ANKRD13C: variants seen among roughly 807,000 people sequenced by gnomAD.
ANKRD13C encodes ankyrin repeat domain 13C.
A neutral mutation model predicts 65.5 loss-of-function variants in ANKRD13C; 16 were observed. The observed-to-expected ratio is 0.24, with a 90% confidence interval of 0.17 to 0.37. The LOEUF (loss-of-function observed/expected upper bound fraction) is 0.37, where lower values mean the gene tolerates loss of function less well. ANKRD13C is among the 10% of genes least tolerant of loss of function. ANKRD13C has a pLI of 1.00. For missense variants in ANKRD13C, 503 were observed against 655.9 expected (o/e 0.77, Z 2.55); for synonymous variants, 235 against 238.7 (o/e 0.98, Z 0.14).
chr1:70,288,862 T>C (rs1420583950), intron 9 of ANKRD13C, among the ~76,000 whole-genome samples: 1 of 152,172 alleles, frequency 6.6e-6, no homozygotes, highest in Non-Finnish European at 1.5e-5. Flanking sequence ...GTTCTATACC[T>C]TGGTAAGACG....
intron 7 of ANKRD13C, among the ~76,000 whole-genome samples, chr1:70,299,879 C>G (rs1000150539): frequency 2.6e-5 from 4 of 152,104 alleles, no homozygotes; most frequent in African/African-American, 9.7e-5. Context: ...ACCTATAGGA[C>G]TGTGGGAATG....
At chr1:70,341,087 G>A (rs904227871) in intron 1 of ANKRD13C, among the ~76,000 whole-genome samples, 1 of 152,152 alleles carries the variant, frequency 6.6e-6, no homozygotes, top group African/African-American at 2.4e-5. Context: ...TCCAGCCTGG[G>A]CGACAGAGCG....
chr1:70,264,399 C>A (rs1314520115), intron 12 of ANKRD13C, among the ~76,000 whole-genome samples: 2 of 150,186 alleles, frequency 1.3e-5, no homozygotes, highest in Non-Finnish European at 3.0e-5. Flanking sequence ...TCGCTTGAAC[C>A]CAGGAGGCGG....
At chr1:70,274,899 T>C in intron 10 of ANKRD13C, 81 bp from the exon 11 acceptor site, 1 of 842,098 alleles carries the variant, frequency 1.2e-6, no homozygotes, top group Non-Finnish European at 2.0e-6. Context: ...CATCTTTCAA[T>C]GACATTCATT....
intron 5 of ANKRD13C, among the ~76,000 whole-genome samples, chr1:70,309,729 A>T (rs5014467): frequency 0.31 from 37,120 of 121,322 alleles, 5,172 homozygotes; most frequent in African/African-American, 0.4. Flanking sequence ...AAAAAAAAAA[A>T]AAAAATAATA....
intron 7 of ANKRD13C, among the ~76,000 whole-genome samples, chr1:70,296,999 G>A (rs967760250): frequency 6.6e-6 from 1 of 152,092 alleles, no homozygotes; most frequent in Admixed American, 6.6e-5. Flanking sequence ...TTTTGTGCTT[G>A]CTTCAGGGAC....
At chr1:70,300,590 A>G (rs1408465451) in intron 7 of ANKRD13C, among the ~76,000 whole-genome samples, 174 bp downstream of exon 7, 3 of 152,156 alleles carry the variant, frequency 2.0e-5, no homozygotes, top group Non-Finnish European at 4.4e-5. Context: ...TCCAGTCTCA[A>G]AAAAAAGAAA....
At chr1:70,351,627 T>C (rs1371121264) in intron 1 of ANKRD13C, among the ~76,000 whole-genome samples, 1 of 152,184 alleles carries the variant, frequency 6.6e-6, no homozygotes, top group African/African-American at 2.4e-5. Context: ...CTTGAACTCC[T>C]GACCTCAGGT....
At chr1:70,327,924 G>C (rs1558304002) in intron 2 of ANKRD13C, among the ~76,000 whole-genome samples, 1 of 152,020 alleles carries the variant, frequency 6.6e-6, no homozygotes. Flanking sequence ...AATTAGCCAG[G>C]CATGTTGGAA....
chr1:70,348,547 G>A (rs996237439), intron 1 of ANKRD13C, among the ~76,000 whole-genome samples: 20 of 152,126 alleles, frequency 1.3e-4, no homozygotes, highest in African/African-American at 4.3e-4. Flanking sequence ...GATTACAGGC[G>A]TGGTGAGCCA....
At chr1:70,323,881 T>C (rs1681423488) in intron 3 of ANKRD13C, among the ~76,000 whole-genome samples, 1 of 150,246 alleles carries the variant, frequency 6.7e-6, no homozygotes, top group African/African-American at 2.4e-5. Flanking sequence ...CCCACCACCA[T>C]GCCTGGCAAT....
chr1:70,300,238 A>C (rs1680287227), intron 7 of ANKRD13C, among the ~76,000 whole-genome samples: 1 of 152,226 alleles, frequency 6.6e-6, no homozygotes, highest in Admixed American at 6.5e-5. Flanking sequence ...AATCAGTTGA[A>C]TTCTCAGCAG....
At chr1:70,262,942 G>GT in intron 12 of ANKRD13C, 95 bp from the exon 13 acceptor site, 1 of 313,878 alleles carries the variant, frequency 3.2e-6, no homozygotes, top group African/African-American at 4.0e-5. Flanking sequence ...TCCTTAAAAT[G>GT]TAAAAAAAAA....
Position 70,261,185 on chromosome 1 carries a change from T to C in ANKRD13C, c.*1532A>G, listed in dbSNP as rs1282226162. On this transcript the variant is annotated 3_prime_UTR_variant, in exon 13 of 13. Coordinates refer to ENST00000370944, the MANE Select transcript of ANKRD13C (RefSeq NM_030816.5). ...TTACTATGATTATTTTTCTTCATTATAAAATGTATTTAATGTCAACATACG... is the reference window on the plus strand; with the variant it reads ...TTACTATGATTATTTTTCTTCATTACAAAATGTATTTAATGTCAACATACG... The C allele has an allele frequency of 6.6e-6, 1 of 152,146 alleles. No individual in the cohort carries two copies. Among genetic ancestry groups the C allele is most frequent in the Non-Finnish European group, 1.5e-5 (1 of 67,982 alleles). 9.4% of individuals were successfully genotyped at this position (152,146 alleles called of 1,614,324 possible).
intron 2 of ANKRD13C, among the ~76,000 whole-genome samples, chr1:70,334,890 G>A (rs1482615674): frequency 2.0e-5 from 3 of 151,714 alleles, no homozygotes; most frequent in African/African-American, 4.8e-5. Context: ...TAGGCAATAA[G>A]AGTGAAATTC....
intron 9 of ANKRD13C, among the ~76,000 whole-genome samples, chr1:70,286,042 T>C (rs947607576): frequency 6.6e-6 from 1 of 152,178 alleles, no homozygotes. Flanking sequence ...AGTTCCATGC[T>C]GCTTTCCAGG....
chr1:70,270,890 C>G lies in ANKRD13C; in HGVS notation c.1461G>C (p.Gln487His). Residue 487 changes from glutamine (Q) to histidine (H), a missense_variant, in exon 12 of 13, where the codon CAG (glutamine) becomes CAC (histidine). Gln to His is a conservative substitution (Grantham distance 24, BLOSUM62 0). Around this residue, in one of 2 missense-constraint regions of ANKRD13C, gnomAD observed 300 missense variants for 478.3 expected, o/e 0.63. Coordinates refer to ENST00000370944, the MANE Select transcript of ANKRD13C (RefSeq NM_030816.5). The stretch of plus-strand genomic sequence containing the variant: ...CAGGAAAGCCTGGAGGAAGCTTCAT[C>G]TGAACAAATTCTCTAAGCTTGTTAA... ...KHFNKLREFV[Q>H]MKLPPGFPVK... 6.2e-6 allele frequency: 10 copies of G among 1,613,050 alleles called. No homozygotes were observed. Among genetic ancestry groups the G allele is most frequent in the Non-Finnish European group, 8.5e-6 (10 of 1,179,452 alleles).
intron 9 of ANKRD13C, among the ~76,000 whole-genome samples, chr1:70,289,366 A>G (rs1679757293): frequency 6.6e-6 from 1 of 152,228 alleles, no homozygotes; most frequent in East Asian, 1.9e-4. Flanking sequence ...TTAAATGTAC[A>G]TAAATCAGAC....
chr1:70,269,729 CAAA>C (rs57521346), intron 12 of ANKRD13C, among the ~76,000 whole-genome samples: 2 of 82,416 alleles, frequency 2.4e-5, no homozygotes, highest in African/African-American at 8.1e-5. Context: ...AGTCATTTTT[CAAA>C]AAAAAAAAAA....
Sources: allele counts gnomAD v4.1 joint callset (sites outside exome capture counted in the v4.1 genomes callset), GRCh38; gene constraint gnomAD v4.1.1; regional missense constraint gnomAD v4.1.1; transcripts MANE v1.5; gene names NCBI Gene and HGNC (gene_info 2026-07-23, HGNC 2026-07-21).